The following NCKAP5 variants were observed in gnomAD, a reference collection of about 807,000 sequenced individuals.
NCKAP5 encodes nck-associated protein 5.
Under a neutral mutation model 167.0 loss-of-function variants are expected in NCKAP5, and 92 were observed. That is an observed-to-expected ratio of 0.55 (90% CI 0.47 to 0.66). The LOEUF is 0.66. Among genes scored for constraint, NCKAP5 ranks in the 30% least tolerant of loss-of-function variants. NCKAP5 has a pLI of 0.00. For missense variants in NCKAP5, 2,378 were observed against 2,315.0 expected, an observed-to-expected ratio of 1.03 and a Z score of -0.56; for synonymous variants, 891 against 877.4, an observed-to-expected ratio of 1.02 and a Z score of -0.27.
intron 5 of NCKAP5, among the ~76,000 whole-genome samples, chr2:133,187,831 T>C (rs1216434767): frequency 6.6e-6 from 1 of 152,174 alleles, no homozygotes; most frequent in African/African-American, 2.4e-5. Context: ...ATTTGCTTGG[T>C]AGATCTTCCT....
At chr2:132,902,927 G>C (rs1693738097) in intron 8 of NCKAP5, among the ~76,000 whole-genome samples, 1 of 152,210 alleles carries the variant, frequency 6.6e-6, no homozygotes, top group Admixed American at 6.5e-5. Context: ...AGGCAGTGCA[G>C]AGTAACTGAT....
intron 3 of NCKAP5, among the ~76,000 whole-genome samples, chr2:133,491,427 T>A (rs1449388623): frequency 6.6e-6 from 1 of 152,106 alleles, no homozygotes; most frequent in Non-Finnish European, 1.5e-5. Context: ...GGTAACAATG[T>A]TGTGTGCAGA....
chr2:132,881,105 G>A (rs1254317450), intron 8 of NCKAP5, among the ~76,000 whole-genome samples: 1 of 152,174 alleles, frequency 6.6e-6, no homozygotes, highest in African/African-American at 2.4e-5. Flanking sequence ...TCCTACCTGT[G>A]ATCATGTACT....
chr2:133,318,488 T>C (rs533255131), intron 3 of NCKAP5, among the ~76,000 whole-genome samples: 2 of 152,298 alleles, frequency 1.3e-5, no homozygotes, highest in Admixed American at 6.5e-5. Context: ...GGAGGGCTGA[T>C]ACAACCTGAT....
rs539227464 is a variant in NCKAP5 at position 133,057,944 on chromosome 2, AC to A, written c.342-63706del. On this transcript the variant is annotated intron_variant, in intron 6 of 19. Coordinates refer to ENST00000409261, the MANE Select transcript of NCKAP5 (RefSeq NM_207363.3). Reference sequence around the variant, plus strand: ...CCTTGTTAGAGACTAACGCAATGTGACTTTAGGTTAAAGCCAGTGCTCATTT... The same window carrying A: ...CCTTGTTAGAGACTAACGCAATGTGATTTAGGTTAAAGCCAGTGCTCATTT... Among the ~76,000 whole-genome samples the A allele has an allele frequency of 3.9e-5, 6 of 152,316 alleles. No homozygotes were observed. The East Asian group carries it at 1.2e-3, about 29-fold the overall frequency.
At chr2:132,817,393 T>C (rs1316529312) in intron 11 of NCKAP5, among the ~76,000 whole-genome samples, 1 of 152,168 alleles carries the variant, frequency 6.6e-6, no homozygotes, top group African/African-American at 2.4e-5. Context: ...TGCTGGTTTA[T>C]CACTACGTAA....
chr2:133,617,287 T>C, the NCKAP5 span, among the ~76,000 whole-genome samples: 1 of 152,154 alleles, frequency 6.6e-6, no homozygotes, highest in African/African-American at 2.4e-5. Flanking sequence ...AACATAGTGT[T>C]GAAAGTTCTG....
At chr2:133,383,398 T>C (rs1442763312) in intron 3 of NCKAP5, among the ~76,000 whole-genome samples, 1 of 152,206 alleles carries the variant, frequency 6.6e-6, no homozygotes, top group Non-Finnish European at 1.5e-5. Context: ...CATGAACTCA[T>C]CCTTTTTATG....
chr2:133,499,063 G>A (rs2151380630), intron 3 of NCKAP5, among the ~76,000 whole-genome samples: 1 of 152,352 alleles, frequency 6.6e-6, no homozygotes, highest in African/African-American at 2.4e-5. Flanking sequence ...TGGGGAGTAG[G>A]TGGCTATGTA....
intron 4 of NCKAP5, among the ~76,000 whole-genome samples, chr2:133,217,280 A>C (rs906867071): frequency 6.6e-6 from 1 of 152,054 alleles, no homozygotes; most frequent in Non-Finnish European, 1.5e-5. Flanking sequence ...CAGGTTGCTG[A>C]ATAATCACAA....
chr2:133,078,495 G>T (rs2080689056), intron 6 of NCKAP5, among the ~76,000 whole-genome samples: 1 of 152,106 alleles, frequency 6.6e-6, no homozygotes, highest in Admixed American at 6.5e-5. Context: ...ATTCCCCCAG[G>T]ACCTCTGCTG....
intron 6 of NCKAP5, among the ~76,000 whole-genome samples, chr2:133,071,997 T>C (rs1159156014): frequency 6.6e-6 from 1 of 152,188 alleles, no homozygotes; most frequent in Non-Finnish European, 1.5e-5. Flanking sequence ...CTGTTGTTTT[T>C]GTTACTCTGT....
intron 3 of NCKAP5, among the ~76,000 whole-genome samples, chr2:133,368,171 T>C (rs1366633452): frequency 7.2e-5 from 11 of 152,258 alleles, no homozygotes; most frequent in Non-Finnish European, 1.6e-4. Flanking sequence ...AGAAAAGGAC[T>C]ATGTATACTT....
At chr2:133,540,044 G>A (rs1432914779) in intron 2 of NCKAP5, among the ~76,000 whole-genome samples, 2 of 152,136 alleles carry the variant, frequency 1.3e-5, no homozygotes, top group Non-Finnish European at 2.9e-5. Context: ...GCTGGGCGTG[G>A]TAGCACGTCC....
chr2:133,204,027 A>G (rs893660675), intron 5 of NCKAP5, among the ~76,000 whole-genome samples: 1 of 152,062 alleles, frequency 6.6e-6, no homozygotes, highest in Non-Finnish European at 1.5e-5. Flanking sequence ...TACAATATCT[A>G]CTCTCTATCT....
intron 5 of NCKAP5, among the ~76,000 whole-genome samples, chr2:133,167,293 T>C (rs1360822663): frequency 6.6e-6 from 1 of 152,186 alleles, no homozygotes; most frequent in Admixed American, 6.5e-5. Flanking sequence ...GGCAGCATAA[T>C]GATTTAGCTA....
At chr2:133,282,641 A>G (rs377186737) in intron 4 of NCKAP5, among the ~76,000 whole-genome samples, 2 of 152,244 alleles carry the variant, frequency 1.3e-5, no homozygotes, top group East Asian at 3.8e-4. Context: ...TAGGGCTATC[A>G]TATAGCATGC....
the NCKAP5 span, among the ~76,000 whole-genome samples, chr2:133,671,040 C>A: frequency 6.6e-6 from 1 of 151,722 alleles, no homozygotes; most frequent in East Asian, 1.9e-4. Flanking sequence ...ATGGTGAAAC[C>A]CCATCTCTAC....
intron 5 of NCKAP5, among the ~76,000 whole-genome samples, chr2:133,185,666 T>C (rs186731537): frequency 9.7e-4 from 147 of 152,032 alleles, no homozygotes; most frequent in African/African-American, 3.4e-3. Flanking sequence ...AGTTCTCCTT[T>C]AGTGATCTTT....
Sources: allele counts gnomAD v4.1 joint callset (sites outside exome capture counted in the v4.1 genomes callset), GRCh38; gene constraint gnomAD v4.1.1; transcripts MANE v1.5; gene names NCBI Gene and HGNC (gene_info 2026-07-23, HGNC 2026-07-21).